EPB41L2: variants seen among roughly 807,000 people sequenced by gnomAD.
The protein encoded by EPB41L2 is band 4.1-like protein 2.
EPB41L2 carries 43 observed loss-of-function variants against 113.0 expected under a neutral mutation model. That is an observed-to-expected ratio of 0.38 (90% CI 0.30 to 0.49). The LOEUF (loss-of-function observed/expected upper bound fraction) is 0.49, where lower values mean the gene tolerates loss of function less well. Ranked by LOEUF, EPB41L2 falls within the 20% of genes least tolerant of loss-of-function variation. The pLI is 0.95. For synonymous variants in EPB41L2, 442 were observed against 436.7 expected (o/e 1.01, Z -0.15); for missense variants, 1,147 against 1,223.4 (o/e 0.94, Z 0.93).
chr6:131,039,198 C>G (rs1273351299), intron 1 of EPB41L2, among the ~76,000 whole-genome samples: 2 of 152,190 alleles, frequency 1.3e-5, no homozygotes, highest in Non-Finnish European at 2.9e-5. Flanking sequence ...CTTCTCTCAA[C>G]AGAATGTTTA....
chr6:130,867,041 G>A (rs192610728), intron 16 of EPB41L2, among the ~76,000 whole-genome samples: 2 of 152,230 alleles, frequency 1.3e-5, no homozygotes, highest in East Asian at 1.9e-4. Context: ...CAATCTTCAC[G>A]GAGTTAGAGA....
At chr6:130,894,314 C>T (rs1793897356) in intron 10 of EPB41L2, 30 bp downstream of exon 10, 3 of 1,581,072 alleles carry the variant, frequency 1.9e-6, no homozygotes, top group South Asian at 2.2e-5. Flanking sequence ...GCGATCATGC[C>T]CGGCTTCCGA....
intron 11 of EPB41L2, 117 bp from the exon 12 acceptor site, chr6:130,885,385 G>C: frequency 2.3e-6 from 2 of 881,088 alleles, no homozygotes; most frequent in South Asian, 3.4e-5. Flanking sequence ...CAGGAACAGA[G>C]ACATTGCTTG....
In EPB41L2 at chr6:130,956,162, T is replaced by C; in HGVS notation, c.324A>G (p.Glu108=). 6.2e-7 allele frequency: 1 copy of C among 1,614,206 alleles called. No homozygotes were observed. Among genetic ancestry groups the C allele is most frequent in the Non-Finnish European group, 8.5e-7 (1 of 1,180,036 alleles). The change falls in exon 2 of 20, where the codon GAA becomes GAG. Residue 108 remains glutamate, a synonymous_variant. Transcript: ENST00000337057. ...GTTCCTCTTTATCTAAGACCTGTTC[T>C]TCAACAACAGCTTGGGTAGGCTCTT... is the stretch of plus-strand genomic sequence containing the variant. ...DKKEPTQAVV[E]EQVLDKEEPL...
intron 15 of EPB41L2, chr6:130,867,972 ACTCTCT>A (rs147376370): frequency 9.4e-4 from 71 of 75,536 alleles, no homozygotes; most frequent in African/African-American, 2.3e-3. Context: ...ACACACACAC[ACTCTCT>A]CTCTCTCTCT....
chr6:131,006,596 G>A (rs1213341642), intron 1 of EPB41L2, among the ~76,000 whole-genome samples: 2 of 151,002 alleles, frequency 1.3e-5, no homozygotes, highest in Non-Finnish European at 2.9e-5. Flanking sequence ...CTTGAACCCA[G>A]GAGGCAGAGG....
chr6:130,954,894 G>A (rs774125352), intron 3 of EPB41L2, among the ~76,000 whole-genome samples: 1 of 152,078 alleles, frequency 6.6e-6, no homozygotes, highest in Non-Finnish European at 1.5e-5. Flanking sequence ...CAGTAAACAC[G>A]GCTAGTGCAG....
intron 19 of EPB41L2, among the ~76,000 whole-genome samples, chr6:130,852,454 T>C (rs1258179600): frequency 2.0e-5 from 3 of 152,118 alleles, no homozygotes; most frequent in Non-Finnish European, 4.4e-5. Flanking sequence ...TGCTTTAAGG[T>C]AGCCAAGCAG....
chr6:130,874,985 C>T (rs1013829922), intron 14 of EPB41L2, among the ~76,000 whole-genome samples: 13 of 152,082 alleles, frequency 8.5e-5, no homozygotes, highest in African/African-American at 3.1e-4. Flanking sequence ...TATTAAAGTC[C>T]TCATTATACA....
intron 3 of EPB41L2, among the ~76,000 whole-genome samples, chr6:130,937,493 C>A (rs1658008572): frequency 6.6e-6 from 1 of 152,030 alleles, no homozygotes; most frequent in Non-Finnish European, 1.5e-5. Flanking sequence ...GATAATAAAT[C>A]AAATGCTCAA....
At chr6:130,946,637 G>C (rs975292871) in intron 3 of EPB41L2, among the ~76,000 whole-genome samples, 2 of 151,910 alleles carry the variant, frequency 1.3e-5, no homozygotes, top group Admixed American at 6.6e-5. Flanking sequence ...AGGATGAGGG[G>C]AGAAAGAAGG....
At chr6:130,989,571 C>T (rs750902423) in intron 1 of EPB41L2, among the ~76,000 whole-genome samples, 1 of 152,078 alleles carries the variant, frequency 6.6e-6, no homozygotes, top group African/African-American at 2.4e-5. Context: ...TATACTGTGA[C>T]GAAGAATCAA....
At chr6:130,994,062 C>T (rs1782514637) in intron 1 of EPB41L2, among the ~76,000 whole-genome samples, 1 of 152,056 alleles carries the variant, frequency 6.6e-6, no homozygotes, top group East Asian at 1.9e-4. Flanking sequence ...TACACACATT[C>T]ACAAATCACA....
chr6:130,992,219 T>C (rs55741945), intron 1 of EPB41L2, among the ~76,000 whole-genome samples: 1,694 of 152,268 alleles, frequency 0.011, 39 homozygotes, highest in African/African-American at 0.036. Context: ...GATAAGATTA[T>C]GAAAAGATTC....
Position 130,895,064 on chromosome 6 carries a change from T to G in EPB41L2, c.1292A>C (p.Tyr431Ser). The change falls in exon 9 of 20, where the codon TAC becomes TCC. Residue 431 changes from tyrosine (Y) to serine (S), a missense_variant. Physicochemically the swap from Tyr to Ser is moderately radical, Grantham distance 144. Transcript: ENST00000337057. ...LGVCANGLLI[Y>S]KDRLRINRFA... is the part of the protein sequence containing the mutation. ...ACGATTGATTCGCAGTCTGTCTTTG[T>G]AAATGAGAAGTCCATTAGCACACAC... 6.2e-7 allele frequency: 1 copy of G among 1,614,026 alleles called. No homozygotes were observed. Among genetic ancestry groups the G allele is most frequent in the Non-Finnish European group, 8.5e-7 (1 of 1,179,924 alleles).
chr6:131,019,436 A>C (rs142289491), intron 1 of EPB41L2, among the ~76,000 whole-genome samples: 1 of 152,296 alleles, frequency 6.6e-6, no homozygotes, highest in Non-Finnish European at 1.5e-5. Context: ...GTACTGCCAA[A>C]TTTCAACAAC....
intron 3 of EPB41L2, among the ~76,000 whole-genome samples, chr6:130,940,459 T>C (rs535589598): frequency 6.6e-6 from 1 of 151,334 alleles, no homozygotes; most frequent in South Asian, 2.1e-4. Context: ...TTTTCCTAAA[T>C]ATATCTTTTT....
In EPB41L2 at chr6:130,851,537, C is replaced by T. The variant is rs937598461; in HGVS notation, c.*5+6594G>A. Among the ~76,000 whole-genome samples, 9 of 152,308 alleles carry T rather than the reference C, an allele frequency of 5.9e-5. No individual in the cohort carries two copies. The South Asian group carries it at 1.5e-3, about 25-fold the overall frequency. Reference sequence around the variant, plus strand: ...AATCACAGCACTAGCTCCAGTGGCTCCATGACACCTAATGTTCTCCCATCT... The same window carrying T: ...AATCACAGCACTAGCTCCAGTGGCTTCATGACACCTAATGTTCTCCCATCT... On this transcript the variant is annotated intron_variant, in intron 19 of 19. Transcript: ENST00000337057.
At chr6:131,042,264 A>T (rs1170908677) in intron 1 of EPB41L2, among the ~76,000 whole-genome samples, 1 of 152,232 alleles carries the variant, frequency 6.6e-6, no homozygotes, top group Non-Finnish European at 1.5e-5. Context: ...ATACCTAGCA[A>T]AATGAGTACC....
Sources: allele counts gnomAD v4.1 joint callset (sites outside exome capture counted in the v4.1 genomes callset), GRCh38; gene constraint gnomAD v4.1.1; transcripts MANE v1.5; gene names NCBI Gene and HGNC (gene_info 2026-07-23, HGNC 2026-07-21).